Variants in PCDHGA6 observed in about 807,000 individuals in gnomAD.
The protein encoded by PCDHGA6 is protocadherin gamma-A6.
In PCDHGA6, 41 loss-of-function variants were observed where a neutral mutation model predicts 60.6. The observed-to-expected ratio is 0.68, with a 90% CI of 0.53 to 0.88. The LOEUF (loss-of-function observed/expected upper bound fraction) is 0.88. Ranked by LOEUF, PCDHGA6 falls within the 40% of genes least tolerant of loss-of-function variation. The probability of loss-of-function intolerance (pLI) is 0.00; values close to 1 mark genes in which losing one functional copy is unlikely to be tolerated. For synonymous variants in PCDHGA6, 594 were observed against 524.4 expected, an observed-to-expected ratio of 1.13 and a Z score of -1.81; for missense variants, 1,312 against 1,203.0, an observed-to-expected ratio of 1.09 and a Z score of -1.34.
At chr5:141,494,156 C>T (rs566096073) in intron 1 of PCDHGA6, among the ~76,000 whole-genome samples, 22 of 152,316 alleles carry the variant, frequency 1.4e-4, no homozygotes, top group African/African-American at 4.3e-4. Context: ...TTGTCTGGCA[C>T]GGAGTTCTAG....
At chr5:141,399,642 G>A (rs755191053) in intron 1 of PCDHGA6, 154 of 1,613,630 alleles carry the variant, frequency 9.5e-5, no homozygotes, top group East Asian at 4.2e-4. Context: ...CCATGAGCGC[G>A]CAAAGTGGGG....
chr5:141,388,785 G>T, intron 1 of PCDHGA6: 1 of 1,613,868 alleles, frequency 6.2e-7, no homozygotes, highest in South Asian at 1.1e-5. Context: ...GGAAATTACT[G>T]TTTTAAATAC....
rs758134474 is a variant in PCDHGA6 at position 141,374,942 on chromosome 5, A to C, written c.859A>C (p.Lys287Gln). The change falls in exon 1 of 4, where the codon AAG (lysine) becomes CAG (glutamine). Residue 287 changes from lysine (K) to glutamine (Q), a missense_variant. Transcript: ENST00000517434. ...VTYSFVKITE[K>Q]ISQIFCLNVL... ...TTATTCCTTTGTGAAGATTACAGAA[A>C]AGATCTCACAAATTTTCTGTTTGAA... The C allele has an allele frequency of 1.9e-6, 3 of 1,614,044 alleles. No individual in the cohort carries two copies. Among genetic ancestry groups the C allele is most frequent in the Non-Finnish European group, 2.5e-6 (3 of 1,179,902 alleles).
At chr5:141,395,348 A>T (rs2093219591) in intron 1 of PCDHGA6, 1 of 1,391,964 alleles carries the variant, frequency 7.2e-7, no homozygotes, top group East Asian at 2.4e-5. Flanking sequence ...AAGGTGTATC[A>T]CAGAGTTTTG....
chr5:141,423,811 T>G, intron 1 of PCDHGA6: 1 of 1,254,642 alleles, frequency 8.0e-7, no homozygotes, highest in Non-Finnish European at 1.0e-6. Flanking sequence ...ACATGTGAGT[T>G]TTACTTTGCC....
intron 3 of PCDHGA6, 59 bp from the exon 4 acceptor site, chr5:141,510,888 A>C (rs2099883233): frequency 6.2e-7 from 1 of 1,612,646 alleles, no homozygotes. Flanking sequence ...GGGATATAAG[A>C]CAGTGACTGT....
At chr5:141,422,963 C>T (rs372620011) in intron 1 of PCDHGA6, 43 of 1,614,120 alleles carry the variant, frequency 2.7e-5, no homozygotes, top group Middle Eastern at 1.6e-4. Context: ...GTGGAGCTGG[C>T]GCCCCGCTCT....
intron 1 of PCDHGA6, chr5:141,377,801 T>C (rs1439596981): frequency 1.3e-5 from 2 of 152,176 alleles, no homozygotes; most frequent in African/African-American, 2.4e-5. Context: ...CCTGTAACTA[T>C]CTGTTATTTA....
Position 141,431,199 on chromosome 5 carries a change from C to T in PCDHGA6, c.2424+54692C>T. 1 of 1,614,194 alleles carries T rather than the reference C, an allele frequency of 6.2e-7. No homozygotes were observed. Among genetic ancestry groups the T allele is most frequent in the East Asian group, 2.2e-5 (1 of 44,890 alleles). ...GAAATAAAAATTAGTGAAAATGCAG[C>T]CACTGAGATGCGGTTCCCTCTACCC... On this transcript the variant is annotated intron_variant, in intron 1 of 3. Transcript: ENST00000517434. This position sits in a 1 kb window ranked among gnomAD's most constrained non-coding sequence, Gnocchi z 4.8.
At position 141,476,518 on chromosome 5, in the gene PCDHGA6, T is replaced by C; in HGVS notation, c.2425-18289T>C. 1 of 1,614,214 alleles carries C rather than the reference T, an allele frequency of 6.2e-7. No individual in the cohort carries two copies. Among genetic ancestry groups the C allele is most frequent in the Non-Finnish European group, 8.5e-7 (1 of 1,180,038 alleles). ...AGGACATCAACGACAACAATCCTGC[T>C]TTCCCTACCCAGGAAATGAAATTGG... is the stretch of plus-strand genomic sequence containing the variant. On this transcript the variant is annotated intron_variant, in intron 1 of 3. Transcript: ENST00000517434. This position sits in a 1 kb window ranked among gnomAD's most constrained non-coding sequence, Gnocchi z 7.6.
chr5:141,471,906 G>A (rs1376234079), intron 1 of PCDHGA6, among the ~76,000 whole-genome samples: 2 of 152,192 alleles, frequency 1.3e-5, no homozygotes, highest in African/African-American at 4.8e-5. Context: ...CTACAGACAA[G>A]CATGAGGGAA....
intron 1 of PCDHGA6, among the ~76,000 whole-genome samples, chr5:141,435,412 T>C (rs2097761991): frequency 6.6e-6 from 1 of 152,222 alleles, no homozygotes; most frequent in Non-Finnish European, 1.5e-5. Flanking sequence ...TGGTAAAGAC[T>C]ATTTTTCACT....
chr5:141,414,990 C>A (rs1442265707), intron 1 of PCDHGA6: 5 of 1,613,794 alleles, frequency 3.1e-6, no homozygotes, highest in Admixed American at 1.7e-5. Context: ...CCGGCCAGAA[C>A]GCCTGGCTGT....
intron 1 of PCDHGA6, among the ~76,000 whole-genome samples, chr5:141,442,843 G>C (rs1264073611): frequency 2.0e-5 from 3 of 152,134 alleles, no homozygotes; most frequent in African/African-American, 7.2e-5. Flanking sequence ...GACAAATCTT[G>C]GCCATTGTAG....
intron 1 of PCDHGA6, among the ~76,000 whole-genome samples, chr5:141,447,644 G>A (rs1212910845): frequency 1.3e-5 from 2 of 152,146 alleles, no homozygotes; most frequent in Admixed American, 1.3e-4. Context: ...AATGATGGTA[G>A]AATTTTCCCC....
chr5:141,394,532 T>G (rs1259695027), intron 1 of PCDHGA6: 7 of 1,614,188 alleles, frequency 4.3e-6, no homozygotes, highest in East Asian at 4.5e-5. Flanking sequence ...ACGGTTCCAC[T>G]GGCGTGGAGC....
intron 1 of PCDHGA6, chr5:141,428,285 C>CA (rs2097130658): frequency 2.7e-6 from 2 of 734,934 alleles, no homozygotes; most frequent in Non-Finnish European, 4.7e-6. Context: ...GATTCCCAAG[C>CA]AAAGCTGCAG....
intron 1 of PCDHGA6, chr5:141,384,037 G>T (rs759701397): frequency 6.2e-7 from 1 of 1,613,004 alleles, no homozygotes; most frequent in Admixed American, 1.7e-5. Context: ...TGGAAAGAAT[G>T]GTGAGGTGAC....
chr5:141,499,322 T>C (rs1186220818), intron 2 of PCDHGA6, among the ~76,000 whole-genome samples: 1 of 152,218 alleles, frequency 6.6e-6, no homozygotes, highest in Non-Finnish European at 1.5e-5. Context: ...ACAGTATCCC[T>C]GCTCTCTCTC....
Sources: gnomAD v4.1 joint callset for allele counts (sites outside exome capture counted in the v4.1 genomes callset) on GRCh38, gnomAD v4.1.1 for gene constraint, Gnocchi (gnomAD v3.1) non-coding constraint, MANE v1.5 for transcripts, NCBI Gene and HGNC (gene_info 2026-07-23, HGNC 2026-07-21) for gene names.